The following SPTBN1 variants were observed in gnomAD, a reference collection of about 807,000 sequenced individuals.
SPTBN1 encodes spectrin beta chain, non-erythrocytic 1.
Under a neutral mutation model 266.4 loss-of-function variants are expected in SPTBN1, and 32 were observed. The observed-to-expected ratio is 0.12, with a 90% CI of 0.09 to 0.16. SPTBN1 has a LOEUF of 0.16. Among genes scored for constraint, SPTBN1 ranks in the 10% least tolerant of loss-of-function variants. The probability of loss-of-function intolerance (pLI) is 1.00; values close to 1 mark genes in which losing one functional copy is unlikely to be tolerated. For synonymous variants in SPTBN1, 1,336 were observed against 1,162.2 expected (o/e 1.15, Z -3.04); for missense variants, 2,296 against 3,067.1 (o/e 0.75, Z 5.94).
At chr2:54,459,800 G>A (rs1693264530) in intron 1 of SPTBN1, among the ~76,000 whole-genome samples, 1 of 152,178 alleles carries the variant, frequency 6.6e-6, no homozygotes, top group African/African-American at 2.4e-5. Flanking sequence ...GTGGAAGTGA[G>A]TAAAGCATCT....
chr2:54,637,895 T>A, intron 18 of SPTBN1, 92 bp downstream of exon 18: 3 of 1,106,486 alleles, frequency 2.7e-6, no homozygotes, highest in Non-Finnish European at 2.6e-6. Context: ...ATTATAAAAT[T>A]AATGAAACCA....
intron 1 of SPTBN1, among the ~76,000 whole-genome samples, chr2:54,503,575 C>T (rs1175616623): frequency 1.3e-5 from 2 of 152,234 alleles, no homozygotes; most frequent in African/African-American, 4.8e-5. Context: ...TGAAAGCGAC[C>T]ATCCTTGTAG....
intron 1 of SPTBN1, among the ~76,000 whole-genome samples, chr2:54,511,187 C>G (rs1381708512): frequency 6.6e-6 from 1 of 152,176 alleles, no homozygotes; most frequent in Non-Finnish European, 1.5e-5. Flanking sequence ...CACCATCGCT[C>G]ATTTTTCTTG....
At chr2:54,596,582 C>A (rs1488340321) in intron 2 of SPTBN1, among the ~76,000 whole-genome samples, 1 of 152,164 alleles carries the variant, frequency 6.6e-6, no homozygotes, top group African/African-American at 2.4e-5. Flanking sequence ...CGTGATTTTT[C>A]CAGCACTCTT....
rs1183978096 is a variant in SPTBN1, at chr2:54,668,745, T to C, written c.*176T>C. On this transcript the variant is annotated 3_prime_UTR_variant, in exon 36 of 36. Transcript: ENST00000356805. ...GTGGGGGAAACACACCTAAACACTT[T>C]ATCTCCAAGTTACAAAAGTTTGAGG... is the stretch of plus-strand genomic sequence containing the variant. 1.2e-5 allele frequency: 7 copies of C among 595,192 alleles called. No individual in the cohort carries two copies. Among genetic ancestry groups the C allele is most frequent in the Non-Finnish European group, 2.0e-5 (7 of 350,886 alleles). 36.9% of individuals were successfully genotyped at this position (595,192 alleles called of 1,614,324 possible). A position where few individuals can be genotyped will look rare whatever the true frequency, so the allele number is the denominator to read the frequency against.
At chr2:54,641,164 C>T (rs190916049) in intron 18 of SPTBN1, among the ~76,000 whole-genome samples, 1 of 152,294 alleles carries the variant, frequency 6.6e-6, no homozygotes, top group Admixed American at 6.5e-5. Flanking sequence ...GCTTTGGTTG[C>T]AGAGTGCTGA....
At chr2:54,524,192 C>A in intron 1 of SPTBN1, among the ~76,000 whole-genome samples, 1 of 151,840 alleles carries the variant, frequency 6.6e-6, no homozygotes. Flanking sequence ...GAGCGAAACT[C>A]CATCTCAAAA....
intron 9 of SPTBN1, among the ~76,000 whole-genome samples, chr2:54,622,985 A>AT (rs1006031831): frequency 3.3e-5 from 5 of 152,054 alleles, no homozygotes; most frequent in African/African-American, 7.3e-5. Flanking sequence ...AAAAAGTTTG[A>AT]TTTTTTTTCA....
intron 1 of SPTBN1, among the ~76,000 whole-genome samples, chr2:54,519,139 C>T (rs1348667606): frequency 6.6e-6 from 1 of 152,064 alleles, no homozygotes; most frequent in Admixed American, 6.5e-5. Flanking sequence ...TTGACTTTGC[C>T]CCTGTGCTCT....
chr2:54,465,723 G>A (rs1274764672), intron 1 of SPTBN1, among the ~76,000 whole-genome samples: 1 of 148,610 alleles, frequency 6.7e-6, no homozygotes, highest in Non-Finnish European at 1.5e-5. Context: ...CTACCACGAA[G>A]GGAGGCACAT....
intron 2 of SPTBN1, among the ~76,000 whole-genome samples, chr2:54,580,588 T>TTTATGAA (rs1674825839): frequency 6.8e-6 from 1 of 147,280 alleles, no homozygotes. Context: ...ATTCATATTC[T>TTTATGAA]CACACTTTAA....
intron 1 of SPTBN1, among the ~76,000 whole-genome samples, chr2:54,500,511 T>G (rs551765195): frequency 6.6e-6 from 1 of 152,312 alleles, no homozygotes; most frequent in South Asian, 2.1e-4. Context: ...TCTAGCTGAT[T>G]AGTAGCTCTC....
chr2:54,607,163 G>T (rs1038881854), intron 3 of SPTBN1, among the ~76,000 whole-genome samples: 17 of 152,202 alleles, frequency 1.1e-4, no homozygotes, highest in African/African-American at 3.9e-4. Flanking sequence ...GTCTGGTTCT[G>T]CATCTGCAGA....
chr2:54,549,664 C>T (rs553804460), intron 2 of SPTBN1, among the ~76,000 whole-genome samples: 300 of 152,196 alleles, frequency 2.0e-3, no homozygotes, highest in Middle Eastern at 0.01. Flanking sequence ...ATGTGCTGGA[C>T]GACGGAGGCT....
intron 2 of SPTBN1, among the ~76,000 whole-genome samples, chr2:54,578,717 T>C (rs13391522): frequency 0.32 from 47,939 of 151,690 alleles, 9,375 homozygotes; most frequent in African/African-American, 0.56. Context: ...CAGAAATGAT[T>C]TAATTTGGCC....
intron 2 of SPTBN1, among the ~76,000 whole-genome samples, chr2:54,559,552 C>T (rs899787903): frequency 3.3e-5 from 5 of 152,028 alleles, no homozygotes; most frequent in Non-Finnish European, 7.4e-5. Flanking sequence ...TGAATGAGTC[C>T]AATATTTTAC....
At chr2:54,621,776 C>A (rs1019785259) in intron 8 of SPTBN1, among the ~76,000 whole-genome samples, 1 of 152,218 alleles carries the variant, frequency 6.6e-6, no homozygotes, top group African/African-American at 2.4e-5. Context: ...TATTGGAAAT[C>A]TGATCGAGTT....
Position 54,533,900 on chromosome 2 carries a change from T to A in SPTBN1, c.148+7334T>A, listed in dbSNP as rs538732478. Among the ~76,000 whole-genome samples, 378 of 150,336 alleles carry A rather than the reference T, an allele frequency of 2.5e-3. 2 individuals carry two copies. The highest frequency in any genetic ancestry group is 3.8e-3 in the Admixed American group (58 of 15,124). The stretch of plus-strand genomic sequence containing the variant: ...ATTGATCTCTCTCTCTGTCTCTCTC[T>A]CACACACACACACACACACACACAC... On this transcript the variant is annotated intron_variant, in intron 2 of 35. Coordinates refer to ENST00000356805, the MANE Select transcript of SPTBN1 (RefSeq NM_003128.3). This position sits in a 1 kb window ranked among gnomAD's most constrained non-coding sequence, Gnocchi z 4.2.
chr2:54,571,336 G>C (rs1674050718), intron 2 of SPTBN1, among the ~76,000 whole-genome samples: 1 of 152,092 alleles, frequency 6.6e-6, no homozygotes, highest in Non-Finnish European at 1.5e-5. Flanking sequence ...CAGGGGGAAA[G>C]AATAAATAGC....
Sources: gnomAD v4.1 joint callset for allele counts (sites outside exome capture counted in the v4.1 genomes callset) on GRCh38, gnomAD v4.1.1 for gene constraint, Gnocchi (gnomAD v3.1) non-coding constraint, MANE v1.5 for transcripts, NCBI Gene and HGNC (gene_info 2026-07-23, HGNC 2026-07-21) for gene names.